The following AGAP1 variants were observed in gnomAD, a reference collection of about 807,000 sequenced individuals.
The protein encoded by AGAP1 is arf-GAP with GTPase, ANK repeat and PH domain-containing protein 1.
Under a neutral mutation model 105.3 loss-of-function variants are expected in AGAP1, and 29 were observed. The ratio of observed to expected loss-of-function variants is 0.28; its 90% CI spans 0.21 to 0.38. The LOEUF is 0.38. Among genes scored for constraint, AGAP1 ranks in the 10% least tolerant of loss-of-function variants. The probability of loss-of-function intolerance (pLI) is 1.00; values close to 1 mark genes in which losing one functional copy is unlikely to be tolerated. For missense variants in AGAP1, 998 were observed against 1,165.1 expected, an observed-to-expected ratio of 0.86 and a Z score of 2.09; for synonymous variants, 509 against 485.9, an observed-to-expected ratio of 1.05 and a Z score of -0.63.
intron 1 of AGAP1, among the ~76,000 whole-genome samples, chr2:235,675,830 C>A: frequency 6.6e-6 from 1 of 152,154 alleles, no homozygotes; most frequent in African/African-American, 2.4e-5. Context: ...GCATAGGTCA[C>A]CTGTTAACAT....
At chr2:235,567,267 T>A (rs1270868428) in intron 1 of AGAP1, among the ~76,000 whole-genome samples, 1 of 152,216 alleles carries the variant, frequency 6.6e-6, no homozygotes, top group Non-Finnish European at 1.5e-5. Context: ...GCTGGAAGGA[T>A]GTTCAGATAT....
chr2:235,512,719 T>C (rs1942201838), intron 1 of AGAP1, among the ~76,000 whole-genome samples: 1 of 152,158 alleles, frequency 6.6e-6, no homozygotes, highest in South Asian at 2.1e-4. Flanking sequence ...TGGAGGTAGG[T>C]GATAAGCTCC....
rs535013057 is a variant in AGAP1 at position 235,819,981 on chromosome 2, G to T, written c.1050+12650G>T. Among the ~76,000 whole-genome samples the T allele has an allele frequency of 2.0e-3, 285 of 141,360 alleles. 2 individuals carry two copies. Among genetic ancestry groups the T allele is most frequent in the African/African-American group, 7.0e-3 (269 of 38,530 alleles). The allele number at this position is 141,360 out of a possible 152,430, so 92.7% of individuals were successfully genotyped here. Reference sequence around the variant, plus strand: ...TGCAATGGTGCGATCTCAGCTCACCGCAACCTCCGCCTCCCAGGTTCAAGT... The same window carrying T: ...TGCAATGGTGCGATCTCAGCTCACCTCAACCTCCGCCTCCCAGGTTCAAGT... On this transcript the variant is annotated intron_variant, in intron 9 of 17. Coordinates refer to ENST00000304032, the MANE Select transcript of AGAP1 (RefSeq NM_001037131.3).
chr2:236,056,419 A>G lies in AGAP1; in HGVS notation c.2114+7138A>G, dbSNP rs377025151. Among the ~76,000 whole-genome samples, 1 of 152,150 alleles carries G rather than the reference A, an allele frequency of 6.6e-6. No homozygotes were observed. Among genetic ancestry groups the G allele is most frequent in the Non-Finnish European group, 1.5e-5 (1 of 68,036 alleles). ...GAGTTTCTGATGCTTAAGAATTTTT[A>G]CTGCCCCTGGCAGATGAGAAGGCAA... On this transcript the variant is annotated intron_variant, in intron 16 of 17. Transcript: ENST00000304032. The surrounding 1 kb of genome is among the most constrained non-coding windows in gnomAD (Gnocchi z 4.6).
At position 236,053,401 on chromosome 2, in the gene AGAP1, C is replaced by G. The variant is rs1229041783; in HGVS notation, c.2114+4120C>G. On this transcript the variant is annotated intron_variant, in intron 16 of 17. Coordinates refer to ENST00000304032, the MANE Select transcript of AGAP1 (RefSeq NM_001037131.3). The surrounding 1 kb of genome is among the most constrained non-coding windows in gnomAD (Gnocchi z 4.6). ...TTGACGTTTGCAGCACCAGCAAAGCCGTCTCAGTAAACCCGTCCACGCACA... is the reference window on the plus strand; with the variant it reads ...TTGACGTTTGCAGCACCAGCAAAGCGGTCTCAGTAAACCCGTCCACGCACA... Among the ~76,000 whole-genome samples the G allele has an allele frequency of 1.3e-5, 2 of 152,218 alleles. No homozygotes were observed. The highest frequency in any genetic ancestry group is 6.5e-5 in the Admixed American group (1 of 15,280).
At chr2:235,717,719 A>G (rs1171091041) in intron 3 of AGAP1, 75 bp downstream of exon 3, 31 of 1,210,764 alleles carry the variant, frequency 2.6e-5, no homozygotes, top group Non-Finnish European at 1.6e-5. Context: ...ATTATAAATC[A>G]TGACTTTGAT....
chr2:235,599,000 A>C (rs1319060596), intron 1 of AGAP1, among the ~76,000 whole-genome samples: 1 of 152,014 alleles, frequency 6.6e-6, no homozygotes, highest in Non-Finnish European at 1.5e-5. Flanking sequence ...TCTTGTTGAC[A>C]TTTGCGTCTG....
intron 5 of AGAP1, among the ~76,000 whole-genome samples, chr2:235,746,377 C>CTTTTTCTTTTT (rs1553620164): frequency 7.2e-5 from 4 of 55,544 alleles, no homozygotes; most frequent in Non-Finnish European, 1.2e-4. Flanking sequence ...CCTCCCCCAA[C>CTTTTTCTTTTT]TTTTTTTTTT....
chr2:235,521,748 G>A (rs1361778287), intron 1 of AGAP1, among the ~76,000 whole-genome samples: 3,333 of 140,248 alleles, frequency 0.024, 114 homozygotes, highest in African/African-American at 0.077. Context: ...ATATATGTGT[G>A]TGTGTGTGTG....
rs1263206886 is a variant in AGAP1 at position 235,665,727 on chromosome 2, C to T, written c.164-43452C>T. Among the ~76,000 whole-genome samples the T allele has an allele frequency of 2.0e-5, 3 of 151,966 alleles. No individual in the cohort carries two copies. The highest frequency in any genetic ancestry group is 7.3e-5 in the African/African-American group (3 of 41,354). On this transcript the variant is annotated intron_variant, in intron 1 of 17. Coordinates refer to ENST00000304032, the MANE Select transcript of AGAP1 (RefSeq NM_001037131.3). The surrounding 1 kb of genome is among the most constrained non-coding windows in gnomAD (Gnocchi z 5.3). ...CACGGAGGGGCTCTTGGTGGGCTCCCGGGGTGGGCATGCTCAGGCCTGGGC... is the reference window on the plus strand; with the variant it reads ...CACGGAGGGGCTCTTGGTGGGCTCCTGGGGTGGGCATGCTCAGGCCTGGGC...
At chr2:236,064,221 C>T (rs2058285192) in intron 16 of AGAP1, among the ~76,000 whole-genome samples, 1 of 152,174 alleles carries the variant, frequency 6.6e-6, no homozygotes, top group African/African-American at 2.4e-5. Flanking sequence ...AACAGCGTGG[C>T]TTAGGAGCAT....
chr2:235,838,560 A>G (rs979548843), intron 9 of AGAP1, among the ~76,000 whole-genome samples: 1 of 152,188 alleles, frequency 6.6e-6, no homozygotes, highest in Non-Finnish European at 1.5e-5. Flanking sequence ...TTTACTGACC[A>G]TATGTATGTA....
At chr2:235,699,279 T>TACAGGCAG (rs966782186) in intron 1 of AGAP1, among the ~76,000 whole-genome samples, 3 of 152,238 alleles carry the variant, frequency 2.0e-5, no homozygotes, top group African/African-American at 7.2e-5. Flanking sequence ...CTCCTGTAGA[T>TACAGGCAG]ACAGGCAGTG....
At chr2:236,006,606 C>G (rs1252492901) in intron 13 of AGAP1, among the ~76,000 whole-genome samples, 1 of 152,156 alleles carries the variant, frequency 6.6e-6, no homozygotes, top group East Asian at 1.9e-4. Context: ...AATACTACCT[C>G]CATGATGCAA....
At chr2:235,562,772 T>C (rs960524719) in intron 1 of AGAP1, among the ~76,000 whole-genome samples, 1 of 152,160 alleles carries the variant, frequency 6.6e-6, no homozygotes, top group African/African-American at 2.4e-5. Context: ...AAAATGGGGA[T>C]GCTGGCTGGT....
chr2:235,987,387 C>T (rs1357123202), intron 13 of AGAP1, among the ~76,000 whole-genome samples: 1 of 150,722 alleles, frequency 6.6e-6, no homozygotes, highest in East Asian at 1.9e-4. Flanking sequence ...TGATTTTTCT[C>T]TCTTCTTCTT....
At position 236,108,676 on chromosome 2, in the gene AGAP1, G is replaced by A. The variant is rs6431425; in HGVS notation, c.2115-11516G>A. 7.4e-3 allele frequency among the ~76,000 whole-genome samples: 1,126 copies of A among 152,272 alleles called. 15 individuals are homozygous for A. Among genetic ancestry groups the A allele is most frequent in the African/African-American group, 0.026 (1,080 of 41,550 alleles). ...GACTTGACCTGGAGTGCACTTTCGG[G>A]AAGGGGTGTTGCTCAGTGTTTTGTA... On this transcript the variant is annotated intron_variant, in intron 16 of 17. Transcript: ENST00000304032.
chr2:235,940,141 G>T (rs1036899600), intron 12 of AGAP1, among the ~76,000 whole-genome samples: 5 of 151,830 alleles, frequency 3.3e-5, no homozygotes, highest in African/African-American at 9.7e-5. Flanking sequence ...CCCTCCCTCG[G>T]CCTCACCTCA....
At chr2:235,912,899 A>G (rs960483503) in intron 11 of AGAP1, among the ~76,000 whole-genome samples, 4 of 152,204 alleles carry the variant, frequency 2.6e-5, no homozygotes, top group Non-Finnish European at 5.9e-5. Context: ...TGAACAGCTC[A>G]CATGTATTAG....
Sources: gnomAD v4.1 joint callset for allele counts (sites outside exome capture counted in the v4.1 genomes callset) on GRCh38, gnomAD v4.1.1 for gene constraint, Gnocchi (gnomAD v3.1) non-coding constraint, MANE v1.5 for transcripts, NCBI Gene and HGNC (gene_info 2026-07-23, HGNC 2026-07-21) for gene names.